RGL1: variants seen among roughly 807,000 people sequenced by gnomAD.
The protein encoded by RGL1 is ral guanine nucleotide dissociation stimulator like 1, also known as ral guanine nucleotide dissociation stimulator-like 1.
A neutral mutation model predicts 95.2 loss-of-function variants in RGL1; 24 were observed. That is an observed-to-expected ratio of 0.25 (90% CI 0.18 to 0.35). The LOEUF (loss-of-function observed/expected upper bound fraction) is 0.35, where lower values mean the gene tolerates loss of function less well. RGL1 is among the 10% of genes least tolerant of loss of function. The pLI, the probability that RGL1 is intolerant of heterozygous loss-of-function variation, is 1.00. For missense variants in RGL1, 715 were observed against 936.3 expected (o/e 0.76, Z 3.08); for synonymous variants, 329 against 344.9 (o/e 0.95, Z 0.51).
chr1:183,651,234 A>AT (rs1650728810), intron 1 of RGL1, among the ~76,000 whole-genome samples: 3 of 152,188 alleles, frequency 2.0e-5, no homozygotes, highest in East Asian at 1.9e-4. Context: ...TTATGGTTTC[A>AT]TTTTTTACAT....
At chr1:183,770,759 T>G (rs1659233813) in intron 2 of RGL1, among the ~76,000 whole-genome samples, 1 of 152,018 alleles carries the variant, frequency 6.6e-6, no homozygotes, top group African/African-American at 2.4e-5. Flanking sequence ...AAGTTTCAGT[T>G]CCTTGATACT....
At chr1:183,675,304 T>C (rs1213423683) in intron 1 of RGL1, among the ~76,000 whole-genome samples, 2 of 151,470 alleles carry the variant, frequency 1.3e-5, no homozygotes, top group Non-Finnish European at 2.9e-5. Flanking sequence ...TTTTTTTTTT[T>C]CTCTTTGTTT....
At chr1:183,759,696 G>T (rs567014964) in intron 2 of RGL1, among the ~76,000 whole-genome samples, 1 of 152,196 alleles carries the variant, frequency 6.6e-6, no homozygotes, top group Non-Finnish European at 1.5e-5. Flanking sequence ...TTTGTCAACT[G>T]TCTTATTCTT....
rs946536116 is a variant in RGL1 at position 183,776,209 on chromosome 1, C to T, written c.133-30166C>T. 2.9e-5 allele frequency among the ~76,000 whole-genome samples: 4 copies of T among 136,068 alleles called. No homozygotes were observed. In the Admixed American group the frequency reaches 3.3e-4, roughly 11 times the overall value. 89.3% of individuals were successfully genotyped at this position (136,068 alleles called of 152,430 possible). ...TGTCGCCCAGGCTGGAGTGCAGTGG[C>T]GCGATCTCGGCTCACTGCAAGCTCC... On this transcript the variant is annotated intron_variant, in intron 2 of 18. Coordinates refer to the RGL1 transcript ENST00000304685.
rs1650515669 is a variant in RGL1, at chr1:183,648,897, A to G, written c.-33+12396A>G. The G allele has an allele frequency of 6.1e-6, 5 of 825,028 alleles. No individual in the cohort carries two copies. In the Admixed American group the frequency reaches 1.3e-4, roughly 22 times the overall value. The allele number at this position is 825,028 out of a possible 1,614,324, so 51.1% of individuals were successfully genotyped here. ...TAATTTATTAAACCATACTTTCTTTAAAGGAAGTAGCACAATAAAGATAGT... is the reference window on the plus strand; with the variant it reads ...TAATTTATTAAACCATACTTTCTTTGAAGGAAGTAGCACAATAAAGATAGT... On this transcript the variant is annotated intron_variant, in intron 1 of 18. Transcript: ENST00000304685.
At chr1:183,922,513 A>G (rs1669369795) in intron 17 of RGL1, among the ~76,000 whole-genome samples, 177 bp downstream of exon 17, 1 of 152,226 alleles carries the variant, frequency 6.6e-6, no homozygotes, top group Non-Finnish European at 1.5e-5. Flanking sequence ...TGTGGAATTA[A>G]GTATCTCAAA....
At chr1:183,700,119 C>A (rs1654496196) in intron 1 of RGL1, among the ~76,000 whole-genome samples, 1 of 152,148 alleles carries the variant, frequency 6.6e-6, no homozygotes, top group Non-Finnish European at 1.5e-5. Context: ...CCACTCCTAC[C>A]CTCAACCTGC....
rs1667027730 is a variant in RGL1, at chr1:183,884,912, A to C, written c.925A>C (p.Ile309Leu). Residue 309 changes from isoleucine (I) to leucine (L), a missense_variant, in exon 7 of 18, where the codon ATT becomes CTT. Ile to Leu is a conservative substitution (Grantham distance 5). Coordinates refer to ENST00000360851, the MANE Select transcript of RGL1 (RefSeq NM_001297671.3). ...ELKTQQRAKI[I>L]EKWINIAHEC... ...CAAAACTCAGCAGAGAGCCAAAATC[A>C]TTGAGAAGTGGATCAACATCGCTCA... 2 of 1,613,992 alleles carry C rather than the reference A, an allele frequency of 1.2e-6. 1 individual carries two copies. The highest frequency in any genetic ancestry group is 3.3e-5 in the Admixed American group (2 of 60,008).
At chr1:183,799,668 G>A (rs1198750319) in intron 2 of RGL1, among the ~76,000 whole-genome samples, 1 of 152,160 alleles carries the variant, frequency 6.6e-6, no homozygotes, top group Non-Finnish European at 1.5e-5. Context: ...GTTTGCTGTT[G>A]AGTTGTATGC....
chr1:183,758,374 AT>A (rs1359234307), intron 2 of RGL1, among the ~76,000 whole-genome samples: 1 of 151,808 alleles, frequency 6.6e-6, no homozygotes, highest in African/African-American at 2.4e-5. Flanking sequence ...CTTTATATAT[AT>A]TTTAGTAGAG....
chr1:183,696,696 A>G (rs1228509746), intron 1 of RGL1, among the ~76,000 whole-genome samples: 2 of 152,172 alleles, frequency 1.3e-5, no homozygotes, highest in Non-Finnish European at 2.9e-5. Flanking sequence ...TCATGTTCAA[A>G]AACAAAACCC....
At chr1:183,845,789 T>C (rs1664381858) in intron 2 of RGL1, among the ~76,000 whole-genome samples, 1 of 152,240 alleles carries the variant, frequency 6.6e-6, no homozygotes, top group Non-Finnish European at 1.5e-5. Flanking sequence ...TGGCCAGTTT[T>C]TCAAGCTATC....
intron 2 of RGL1, among the ~76,000 whole-genome samples, chr1:183,764,116 G>T (rs1658842930): frequency 6.6e-6 from 1 of 152,124 alleles, no homozygotes; most frequent in Non-Finnish European, 1.5e-5. Context: ...ACCAGATATG[G>T]GTGTATTATT....
At chr1:183,777,922 A>G (rs1233668165) in intron 2 of RGL1, among the ~76,000 whole-genome samples, 3 of 152,058 alleles carry the variant, frequency 2.0e-5, no homozygotes, top group African/African-American at 7.2e-5. Flanking sequence ...CCCCAACCCT[A>G]TTGATACTGA....
At chr1:183,693,916 A>T (rs972071524) in intron 1 of RGL1, among the ~76,000 whole-genome samples, 16 of 152,108 alleles carry the variant, frequency 1.1e-4, no homozygotes, top group African/African-American at 3.9e-4. Flanking sequence ...TTTGGATTGG[A>T]CTTCCCAGGA....
intron 2 of RGL1, among the ~76,000 whole-genome samples, chr1:183,819,098 A>G (rs1484496404): frequency 6.6e-6 from 1 of 152,180 alleles, no homozygotes; most frequent in African/African-American, 2.4e-5. Flanking sequence ...TTGAATTCTG[A>G]AGTTATTCTA....
intron 12 of RGL1, among the ~76,000 whole-genome samples, chr1:183,903,801 A>C (rs1668164696): frequency 6.6e-6 from 1 of 152,234 alleles, no homozygotes; most frequent in African/African-American, 2.4e-5. Flanking sequence ...GGCATAGAGG[A>C]GCTAAACAAA....
At chr1:183,704,102 G>A (rs892805992) in intron 1 of RGL1, among the ~76,000 whole-genome samples, 2 of 152,170 alleles carry the variant, frequency 1.3e-5, no homozygotes, top group African/African-American at 4.8e-5. Context: ...ACAAAAACTG[G>A]CCTTGCACAG....
intron 2 of RGL1, among the ~76,000 whole-genome samples, chr1:183,793,960 T>A (rs1572418501): frequency 6.6e-6 from 1 of 152,164 alleles, no homozygotes; most frequent in East Asian, 1.9e-4. Context: ...AAGGGCTACC[T>A]GGACCTCCAT....
Sources: gnomAD v4.1 joint callset for allele counts (sites outside exome capture counted in the v4.1 genomes callset) on GRCh38, gnomAD v4.1.1 for gene constraint, MANE v1.5 for transcripts, NCBI Gene and HGNC (gene_info 2026-07-23, HGNC 2026-07-21) for gene names.